Variants in SPAG16 observed in about 807,000 individuals in gnomAD.
SPAG16 encodes sperm associated antigen 16, also known as sperm-associated antigen 16 protein.
A neutral mutation model predicts 80.4 loss-of-function variants in SPAG16; 86 were observed. The observed-to-expected ratio is 1.07, with a 90% CI of 0.90 to 1.28. The LOEUF (loss-of-function observed/expected upper bound fraction) is 1.28. Ranked by LOEUF, SPAG16 falls within the 50% of genes most tolerant of loss-of-function variation. The probability of loss-of-function intolerance (pLI) is 0.00; values close to 1 mark genes in which losing one functional copy is unlikely to be tolerated. For synonymous variants in SPAG16, 294 were observed against 265.9 expected (o/e 1.11, Z -1.03); for missense variants, 870 against 765.3 (o/e 1.14, Z -1.61).
chr2:214,101,931 T>C (rs1018821138), intron 13 of SPAG16, among the ~76,000 whole-genome samples: 2 of 152,092 alleles, frequency 1.3e-5, no homozygotes, highest in Non-Finnish European at 1.5e-5. Flanking sequence ...GTTTAAAATG[T>C]TAATAGGCAA....
At chr2:213,414,949 G>T (rs892209831) in intron 9 of SPAG16, among the ~76,000 whole-genome samples, 1 of 152,208 alleles carries the variant, frequency 6.6e-6, no homozygotes, top group Non-Finnish European at 1.5e-5. Flanking sequence ...TGAGGAAGAT[G>T]CCAAAATGGA....
chr2:213,488,968 A>C lies in SPAG16; in HGVS notation c.943-995A>C, dbSNP rs564409687. ...CACGCGCCTGTAGTCCCAGCTACGC[A>C]GGAGGCTGAGGCACGGGAATCGCCT... On this transcript the variant is annotated intron_variant, in intron 9 of 15. Transcript: ENST00000331683. Among the ~76,000 whole-genome samples the C allele has an allele frequency of 1.1e-4, 17 of 150,910 alleles. No homozygotes were observed. In the South Asian group the frequency reaches 3.6e-3, roughly 32 times the overall value.
chr2:214,220,321 T>C (rs1402440994), intron 15 of SPAG16, among the ~76,000 whole-genome samples: 1 of 152,160 alleles, frequency 6.6e-6, no homozygotes, highest in Non-Finnish European at 1.5e-5. Flanking sequence ...TACAGCCATC[T>C]AAAAACTTGT....
chr2:214,326,998 G>A (rs1457182873), intron 15 of SPAG16, among the ~76,000 whole-genome samples: 1 of 148,530 alleles, frequency 6.7e-6, no homozygotes, highest in Non-Finnish European at 1.5e-5. Flanking sequence ...ACTAGTGTTG[G>A]TCTACTAAAA....
chr2:213,320,406 GTGTT>G (rs1255348240), intron 5 of SPAG16, among the ~76,000 whole-genome samples: 2 of 151,878 alleles, frequency 1.3e-5, no homozygotes, highest in Admixed American at 1.3e-4. Context: ...TTTTTTGTGT[GTGTT>G]GGGAACATTT....
At chr2:213,415,413 A>AT (rs1361411143) in intron 9 of SPAG16, among the ~76,000 whole-genome samples, 2 of 152,144 alleles carry the variant, frequency 1.3e-5, no homozygotes, top group African/African-American at 4.8e-5. Context: ...TGGAAATATC[A>AT]TTTTTTCAGC....
chr2:214,181,184 A>G (rs1471120939), intron 15 of SPAG16, among the ~76,000 whole-genome samples: 1 of 151,910 alleles, frequency 6.6e-6, no homozygotes, highest in Non-Finnish European at 1.5e-5. Flanking sequence ...AAGAAAGAGA[A>G]GCAATAAATG....
intron 5 of SPAG16, among the ~76,000 whole-genome samples, chr2:213,333,997 A>G (rs2064227765): frequency 6.6e-6 from 1 of 152,206 alleles, no homozygotes; most frequent in South Asian, 2.1e-4. Context: ...AAGCTTCTGC[A>G]TAGAAAAGGG....
intron 10 of SPAG16, among the ~76,000 whole-genome samples, chr2:213,519,661 C>G (rs1340409487): frequency 6.6e-6 from 1 of 152,020 alleles, no homozygotes; most frequent in Non-Finnish European, 1.5e-5. Flanking sequence ...ACTAATATGC[C>G]TTTGATTAAA....
Position 213,327,607 on chromosome 2 carries a change from C to A in SPAG16, c.536+10251C>A, listed in dbSNP as rs180903904. Among the ~76,000 whole-genome samples the A allele has an allele frequency of 7.7e-3, 1,179 of 152,140 alleles. 66 individuals are homozygous for A. Among genetic ancestry groups the A allele is most frequent in the Admixed American group, 0.074 (1,133 of 15,274 alleles). On this transcript the variant is annotated intron_variant, in intron 5 of 15. Transcript: ENST00000331683. ...TAACATGTTGTGGGTTTACATTTCACATAAGATAAAAATAAGCTCATTTAT... is the reference window on the plus strand; with the variant it reads ...TAACATGTTGTGGGTTTACATTTCAAATAAGATAAAAATAAGCTCATTTAT...
chr2:213,666,332 A>C (rs2063600710), intron 10 of SPAG16, among the ~76,000 whole-genome samples: 1 of 152,116 alleles, frequency 6.6e-6, no homozygotes, highest in Non-Finnish European at 1.5e-5. Context: ...ATACAATACT[A>C]TCATTCCCCC....
intron 15 of SPAG16, among the ~76,000 whole-genome samples, chr2:214,192,799 C>T (rs1195253509): frequency 1.3e-5 from 2 of 152,096 alleles, no homozygotes; most frequent in Non-Finnish European, 2.9e-5. Flanking sequence ...ATGATTATTA[C>T]TCTCTTGCTG....
At chr2:213,645,545 C>A (rs572490213) in intron 10 of SPAG16, among the ~76,000 whole-genome samples, 2 of 152,258 alleles carry the variant, frequency 1.3e-5, no homozygotes, top group East Asian at 3.9e-4. Context: ...CTAAAAATGT[C>A]ATTTGATAGC....
At chr2:213,647,909 A>G (rs1038038610) in intron 10 of SPAG16, among the ~76,000 whole-genome samples, 4 of 152,190 alleles carry the variant, frequency 2.6e-5, no homozygotes, top group Non-Finnish European at 4.4e-5. Flanking sequence ...TTACGTCCAC[A>G]GCAGCTTCTT....
At chr2:213,531,868 T>A (rs2076081032) in intron 10 of SPAG16, among the ~76,000 whole-genome samples, 1 of 152,174 alleles carries the variant, frequency 6.6e-6, no homozygotes, top group African/African-American at 2.4e-5. Flanking sequence ...GTGAATCCAT[T>A]TGGAATCTTA....
chr2:213,663,154 A>G (rs900955298), intron 10 of SPAG16, among the ~76,000 whole-genome samples: 17 of 152,106 alleles, frequency 1.1e-4, no homozygotes, highest in Admixed American at 4.6e-4. Context: ...GCTGTGTAGG[A>G]AACATCTGCC....
At chr2:213,714,372 C>T (rs894268399) in intron 10 of SPAG16, among the ~76,000 whole-genome samples, 1 of 152,146 alleles carries the variant, frequency 6.6e-6, no homozygotes, top group Non-Finnish European at 1.5e-5. Flanking sequence ...ACAATAATTC[C>T]AGTCAAGAAA....
At chr2:214,382,926 C>A (rs1700532413) in intron 15 of SPAG16, among the ~76,000 whole-genome samples, 1 of 152,080 alleles carries the variant, frequency 6.6e-6, no homozygotes, top group Admixed American at 6.6e-5. Flanking sequence ...GAATGTCACA[C>A]AACTGAGGCC....
chr2:213,364,113 G>A lies in SPAG16; in HGVS notation c.800G>A (p.Arg267Lys). The change falls in exon 8 of 16, where the codon AGA becomes AAA. Residue 267 changes from arginine (R) to lysine (K), a missense_variant. Coordinates refer to ENST00000331683, the MANE Select transcript of SPAG16 (RefSeq NM_024532.5). The stretch of plus-strand genomic sequence containing the variant: ...CAAGAAACATTGAAGAAACTGCAAA[G>A]AGGACATAGTTACCATGGTCCTCAA... ...GLQETLKKLQ[R>K]GHSYHGPQIK... is the part of the protein sequence containing the mutation. 2.0e-6 allele frequency: 3 copies of A among 1,526,388 alleles called. No homozygotes were observed. The highest frequency in any genetic ancestry group is 1.8e-6 in the Non-Finnish European group (2 of 1,140,368). The allele number at this position is 1,526,388 out of a possible 1,614,324, so 94.6% of individuals were successfully genotyped here.
Sources: allele counts gnomAD v4.1 joint callset (sites outside exome capture counted in the v4.1 genomes callset), GRCh38; gene constraint gnomAD v4.1.1; transcripts MANE v1.5; gene names NCBI Gene and HGNC (gene_info 2026-07-23, HGNC 2026-07-21).